PRKCE: variants seen among roughly 807,000 people sequenced by gnomAD.
PRKCE encodes the protein protein kinase C epsilon, also known as protein kinase C epsilon type.
A neutral mutation model predicts 85.4 loss-of-function variants in PRKCE; 16 were observed. The ratio of observed to expected loss-of-function variants is 0.19; its 90% CI spans 0.13 to 0.28. The LOEUF (loss-of-function observed/expected upper bound fraction) is 0.28, where lower values mean the gene tolerates loss of function less well. Ranked by LOEUF, PRKCE falls within the 10% of genes least tolerant of loss-of-function variation. PRKCE has a pLI of 1.00. For missense variants in PRKCE, 573 were observed against 975.2 expected (o/e 0.59, Z 5.49); for synonymous variants, 388 against 371.5 (o/e 1.04, Z -0.51).
chr2:45,965,467 A>G (rs1019423810), intron 2 of PRKCE, among the ~76,000 whole-genome samples: 1 of 152,246 alleles, frequency 6.6e-6, no homozygotes, highest in African/African-American at 2.4e-5. Flanking sequence ...TTGAAAGGGA[A>G]AATTAAGTAG....
chr2:46,027,552 G>C (rs72806735), intron 10 of PRKCE, among the ~76,000 whole-genome samples: 1 of 151,796 alleles, frequency 6.6e-6, no homozygotes, highest in East Asian at 1.9e-4. Flanking sequence ...ATTCTCATTC[G>C]TAGGTATATT....
chr2:45,839,481 T>G (rs1691171274), intron 1 of PRKCE, among the ~76,000 whole-genome samples: 1 of 152,166 alleles, frequency 6.6e-6, no homozygotes, highest in African/African-American at 2.4e-5. Flanking sequence ...TAAATTAGGT[T>G]GCATCTGGGA....
intron 1 of PRKCE, among the ~76,000 whole-genome samples, chr2:45,708,591 C>T (rs1369927185): frequency 6.6e-6 from 1 of 152,202 alleles, no homozygotes; most frequent in African/African-American, 2.4e-5. Context: ...GTGAGGCCTC[C>T]CCAGCCACGT....
intron 1 of PRKCE, among the ~76,000 whole-genome samples, chr2:45,707,247 A>T (rs186588434): frequency 6.6e-6 from 1 of 152,348 alleles, no homozygotes; most frequent in East Asian, 1.9e-4. Flanking sequence ...AGGCCTGTGC[A>T]TCAGTCCCCA....
At chr2:45,945,497 T>C (rs1392467545) in intron 2 of PRKCE, among the ~76,000 whole-genome samples, 2 of 152,086 alleles carry the variant, frequency 1.3e-5, no homozygotes, top group African/African-American at 4.8e-5. Flanking sequence ...TCCCACCAGG[T>C]CCCACCTCCA....
Position 46,145,740 on chromosome 2 carries a change from A to T in PRKCE, c.1731+509A>T, listed in dbSNP as rs555007041. Among the ~76,000 whole-genome samples the T allele has an allele frequency of 1.3e-5, 2 of 152,146 alleles. No individual in the cohort carries two copies. The highest frequency in any genetic ancestry group is 2.9e-5 in the Non-Finnish European group (2 of 67,974). On this transcript the variant is annotated intron_variant, in intron 12 of 14. Transcript: ENST00000306156. The surrounding 1 kb of genome is among the most constrained non-coding windows in gnomAD (Gnocchi z 4.6). The stretch of plus-strand genomic sequence containing the variant: ...AAAATTAGCCAGGCATAGTGGTGCA[A>T]ACCTGTAGTCCCAGCTACTTGGGAG...
intron 1 of PRKCE, among the ~76,000 whole-genome samples, chr2:45,828,412 T>C (rs1690133069): frequency 6.6e-6 from 1 of 152,124 alleles, no homozygotes; most frequent in Admixed American, 6.5e-5. Context: ...AAAAATAAAA[T>C]AAAAATCTAT....
intron 11 of PRKCE, among the ~76,000 whole-genome samples, chr2:46,137,325 CACAA>C (rs1428311234): frequency 3.9e-5 from 6 of 152,182 alleles, no homozygotes; most frequent in Non-Finnish European, 8.8e-5. Context: ...CACATGTAGG[CACAA>C]ACAACTTCTT....
In PRKCE at chr2:46,138,066, C is replaced by T. The variant is rs945842946; in HGVS notation, c.1593-7027C>T. On this transcript the variant is annotated intron_variant, in intron 11 of 14. Transcript: ENST00000306156. The surrounding 1 kb of genome is among the most constrained non-coding windows in gnomAD (Gnocchi z 4.2). ...TGCTAGGACTTATTTCTTTCCTGCTCAGATAGGTTTTATAGAATATTTTAA... is the reference window on the plus strand; with the variant it reads ...TGCTAGGACTTATTTCTTTCCTGCTTAGATAGGTTTTATAGAATATTTTAA... 6.6e-6 allele frequency among the ~76,000 whole-genome samples: 1 copy of T among 152,124 alleles called. No individual in the cohort carries two copies. Among genetic ancestry groups the T allele is most frequent in the African/African-American group, 2.4e-5 (1 of 41,400 alleles).
At chr2:45,712,179 C>CTTTTTTTTTTTTTTT (rs1679710897) in intron 1 of PRKCE, among the ~76,000 whole-genome samples, 1 of 83,124 alleles carries the variant, frequency 1.2e-5, no homozygotes. Flanking sequence ...CAGAGTTTTG[C>CTTTTTTTTTTTTTTT]TCTTGTTCCC....
chr2:45,833,326 T>C (rs1690592475), intron 1 of PRKCE, among the ~76,000 whole-genome samples: 1 of 152,170 alleles, frequency 6.6e-6, no homozygotes. Flanking sequence ...CATGGATTCA[T>C]TCAGTTCCAC....
intron 6 of PRKCE, among the ~76,000 whole-genome samples, chr2:45,993,929 T>G (rs1380924246): frequency 1.3e-5 from 2 of 152,068 alleles, no homozygotes; most frequent in Non-Finnish European, 2.9e-5. Context: ...AAAGCCACCC[T>G]GCCACCACCT....
intron 1 of PRKCE, chr2:45,685,615 C>T (rs1400712928): frequency 6.6e-6 from 1 of 151,660 alleles, no homozygotes; most frequent in Admixed American, 6.6e-5. Context: ...CATGGTGAGA[C>T]CCCAGCTCCA....
intron 12 of PRKCE, among the ~76,000 whole-genome samples, chr2:46,146,396 G>A (rs920218992): frequency 9.8e-5 from 15 of 152,378 alleles, no homozygotes; most frequent in African/African-American, 3.6e-4. Flanking sequence ...ATAAAGAACT[G>A]ACTGAGACAC....
At chr2:45,759,824 C>T (rs899884771) in intron 1 of PRKCE, among the ~76,000 whole-genome samples, 2 of 152,076 alleles carry the variant, frequency 1.3e-5, no homozygotes, top group Non-Finnish European at 2.9e-5. Flanking sequence ...CAGGGAGGGG[C>T]GGTGGAATCT....
At chr2:45,985,751 C>A (rs1330314393) in intron 6 of PRKCE, among the ~76,000 whole-genome samples, 3 of 152,118 alleles carry the variant, frequency 2.0e-5, no homozygotes, top group East Asian at 3.9e-4. Flanking sequence ...TGATAGCATT[C>A]ACTGAGATGG....
chr2:45,835,073 C>T (rs995673281), intron 1 of PRKCE, among the ~76,000 whole-genome samples: 14 of 152,106 alleles, frequency 9.2e-5, no homozygotes, highest in African/African-American at 3.1e-4. Flanking sequence ...TGTGAATGTG[C>T]ACGCCTACAC....
chr2:45,680,513 A>G (rs1247394639), intron 1 of PRKCE, among the ~76,000 whole-genome samples: 1 of 152,216 alleles, frequency 6.6e-6, no homozygotes, highest in Non-Finnish European at 1.5e-5. Context: ...GTTAAACTTT[A>G]AAGTTGGACT....
intron 1 of PRKCE, among the ~76,000 whole-genome samples, chr2:45,769,349 G>A (rs1288420903): frequency 6.6e-6 from 1 of 152,108 alleles, no homozygotes; most frequent in Non-Finnish European, 1.5e-5. Flanking sequence ...TTTGTTAGGT[G>A]TTAGGGCTTC....
Sources: gnomAD v4.1 joint callset for allele counts (sites outside exome capture counted in the v4.1 genomes callset) on GRCh38, gnomAD v4.1.1 for gene constraint, Gnocchi (gnomAD v3.1) non-coding constraint, MANE v1.5 for transcripts, NCBI Gene and HGNC (gene_info 2026-07-23, HGNC 2026-07-21) for gene names.